The following TRAFD1 variants were observed in gnomAD, a reference collection of about 807,000 sequenced individuals.
The protein encoded by TRAFD1 is TRAF-type zinc finger domain-containing protein 1.
A neutral mutation model predicts 65.3 loss-of-function variants in TRAFD1; 38 were observed. That is an observed-to-expected ratio of 0.58 (90% CI 0.45 to 0.76). The LOEUF is 0.76. Among genes scored for constraint, TRAFD1 ranks in the 30% least tolerant of loss-of-function variants. The pLI, the probability that TRAFD1 is intolerant of heterozygous loss-of-function variation, is 0.00. For missense variants in TRAFD1, 631 were observed against 712.6 expected (o/e 0.89, Z 1.30); for synonymous variants, 223 against 257.2 (o/e 0.87, Z 1.27).
chr12:112,143,204 C>T (rs556586975), intron 6 of TRAFD1, among the ~76,000 whole-genome samples: 13 of 152,018 alleles, frequency 8.6e-5, no homozygotes, highest in African/African-American at 2.9e-4. Flanking sequence ...CTCAGTCTCC[C>T]GAGTAGCTGG....
intron 6 of TRAFD1, 78 bp downstream of exon 6, chr12:112,142,373 G>C: frequency 6.8e-7 from 1 of 1,460,308 alleles, no homozygotes; most frequent in Non-Finnish European, 9.3e-7. Context: ...TTATACAATT[G>C]AAAGATTTTA....
intron 7 of TRAFD1, among the ~76,000 whole-genome samples, chr12:112,147,672 ATTT>A (rs113564230): frequency 7.0e-6 from 1 of 142,690 alleles, no homozygotes; most frequent in African/African-American, 2.6e-5. Context: ...ATTTAAAAAA[ATTT>A]TTTTTTTTTT....
chr12:112,142,267 C>G lies in TRAFD1; in HGVS notation c.822C>G (p.Gly274=). 6.2e-7 allele frequency: 1 copy of G among 1,613,504 alleles called. No individual in the cohort carries two copies. Among genetic ancestry groups the G allele is most frequent in the Non-Finnish European group, 8.5e-7 (1 of 1,179,684 alleles). Residue 274 remains glycine (G), a synonymous_variant, in exon 6 of 12, where the codon GGC becomes GGG. Coordinates refer to ENST00000412615, the MANE Select transcript of TRAFD1 (RefSeq NM_006700.3). Reference sequence around the variant, plus strand: ...TATGTGAGGCCGACCAGTCTCATGGCGGTCCCAGGTCTCTCAGTGACATAA... The same window carrying G: ...TATGTGAGGCCGACCAGTCTCATGGGGGTCCCAGGTCTCTCAGTGACATAA... ...RAVCEADQSH[G]GPRSLSDIKG...
At chr12:112,134,987 T>G (rs766857899) in intron 3 of TRAFD1, 26 bp from the exon 4 acceptor site, 1 of 1,614,212 alleles carries the variant, frequency 6.2e-7, no homozygotes, top group South Asian at 1.1e-5. Context: ...CAAAGCCAAT[T>G]TACTGATTCT....
At chr12:112,135,208 T>G (rs545480976) in intron 4 of TRAFD1, 142 bp downstream of exon 4, 1 of 962,196 alleles carries the variant, frequency 1.0e-6, no homozygotes, top group East Asian at 2.5e-5. Flanking sequence ...TTTGAGGCCT[T>G]GACTATGTAA....
chr12:112,129,935 C>T (rs535885958), intron 1 of TRAFD1, among the ~76,000 whole-genome samples: 1 of 151,192 alleles, frequency 6.6e-6, no homozygotes, highest in South Asian at 2.1e-4. Flanking sequence ...AGCCACTGCG[C>T]CTGGCCAGGA....
intron 5 of TRAFD1, 180 bp downstream of exon 5, chr12:112,141,404 G>A (rs907050948): frequency 1.4e-6 from 1 of 701,914 alleles, no homozygotes; most frequent in African/African-American, 1.8e-5. Flanking sequence ...TATAGTTAGG[G>A]TTCATAATGG....
intron 9 of TRAFD1, among the ~76,000 whole-genome samples, chr12:112,151,095 G>A (rs537952771): frequency 4.6e-5 from 7 of 151,832 alleles, no homozygotes; most frequent in South Asian, 2.1e-4. Context: ...AAAATTAGCC[G>A]GGCGTGGTGG....
intron 7 of TRAFD1, among the ~76,000 whole-genome samples, chr12:112,147,672 A>T (rs971235063): frequency 5.5e-4 from 79 of 142,732 alleles, no homozygotes; most frequent in South Asian, 2.7e-3. Flanking sequence ...ATTTAAAAAA[A>T]TTTTTTTTTT....
At position 112,141,050 on chromosome 12, in the gene TRAFD1, T is replaced by C; in HGVS notation, c.469T>C (p.Trp157Arg). The C allele has an allele frequency of 6.2e-7, 1 of 1,614,178 alleles. No homozygotes were observed. The highest frequency in any genetic ancestry group is 8.5e-7 in the Non-Finnish European group (1 of 1,180,026). The change falls in exon 5 of 12, where the codon TGG (tryptophan) becomes CGG (arginine). Residue 157 changes from tryptophan to arginine, a missense_variant. Transcript: ENST00000412615. ...AIPPNAYDES[W>R]GQDGIWIASQ... ...ACCTCCTAATGCATATGATGAATCT[T>C]GGGGTCAGGATGGAATCTGGATTGC...
intron 7 of TRAFD1, among the ~76,000 whole-genome samples, chr12:112,146,454 G>T (rs1436723750): frequency 6.6e-6 from 1 of 152,152 alleles, no homozygotes; most frequent in African/African-American, 2.4e-5. Context: ...AGTGACTGGT[G>T]CACATATATC....
chr12:112,142,216 G>T lies in TRAFD1; in HGVS notation c.771G>T (p.Val257=), dbSNP rs749878983. 8.1e-6 allele frequency: 13 copies of T among 1,614,008 alleles called. No homozygotes were observed. The highest frequency in any genetic ancestry group is 1.0e-5 in the Non-Finnish European group (12 of 1,179,968). The part of the protein sequence containing the change: ...SLQNEGQASS[V]AEQDFWRAVC... The stretch of plus-strand genomic sequence containing the variant: ...AAAATGAAGGCCAAGCCTCCAGTGT[G>T]GCAGAGCAGGACTTCTGGAGGGCCG... The change falls in exon 6 of 12, where the codon GTG becomes GTT. Residue 257 remains valine, a synonymous_variant. Coordinates refer to ENST00000412615, the MANE Select transcript of TRAFD1 (RefSeq NM_006700.3).
intron 9 of TRAFD1, among the ~76,000 whole-genome samples, chr12:112,151,396 CT>C (rs111413952): frequency 1.1e-3 from 153 of 143,246 alleles, no homozygotes; most frequent in Middle Eastern, 3.5e-3. Context: ...GAGCAGTTGT[CT>C]TTTTTTTTTT....
At chr12:112,141,800 G>T (rs1333590741) in intron 5 of TRAFD1, among the ~76,000 whole-genome samples, 1 of 152,168 alleles carries the variant, frequency 6.6e-6, no homozygotes, top group African/African-American at 2.4e-5. Flanking sequence ...CCATTCTACT[G>T]TAATTCAGAA....
chr12:112,152,212 T>C lies in TRAFD1; in HGVS notation c.1619+72T>C, dbSNP rs904906605. The stretch of plus-strand genomic sequence containing the variant: ...AACATGGGCAAAGGCCTGGTTACCC[T>C]TGCCAGGCCTGGGGTAAGACTGAGG... On this transcript the variant is annotated intron_variant, in intron 10 of 11. Transcript: ENST00000412615. This position sits in a 1 kb window ranked among gnomAD's most constrained non-coding sequence, Gnocchi z 5.0. 5.3e-6 allele frequency: 8 copies of C among 1,520,160 alleles called. No homozygotes were observed. The African/African-American group carries it at 8.2e-5, about 16-fold the overall frequency. The allele number at this position is 1,520,160 out of a possible 1,614,324, so 94.2% of individuals were successfully genotyped here.
rs150138091 is a variant in TRAFD1, at chr12:112,152,450, A to C, written c.1643A>C (p.Asn548Thr). The change falls in exon 11 of 12, where the codon AAT becomes ACT. Residue 548 changes from asparagine (N) to threonine (T), a missense_variant. Physicochemically the swap from Asn to Thr is moderately conservative, Grantham distance 65. Coordinates refer to ENST00000412615, the MANE Select transcript of TRAFD1 (RefSeq NM_006700.3). The surrounding 1 kb of genome is among the most constrained non-coding windows in gnomAD (Gnocchi z 5.0). ...AGTGGTAGGAGTGAAGGTGGCAGGA[A>C]TTCCCGGGTCACCCCTGCAGCTGCC... ...GASGRSEGGR[N>T]SRVTPAAANY... 149 of 1,613,618 alleles carry C rather than the reference A, an allele frequency of 9.2e-5. No homozygotes were observed. The African/African-American group carries it at 1.5e-3, about 17-fold the overall frequency.
chr12:112,150,461 G>C (rs954387379), intron 9 of TRAFD1, among the ~76,000 whole-genome samples: 3 of 152,090 alleles, frequency 2.0e-5, no homozygotes, highest in Non-Finnish European at 4.4e-5. Flanking sequence ...GTTGCCCAGG[G>C]TGATTTCGAA....
At chr12:112,136,009 G>T (rs1593865565) in intron 4 of TRAFD1, among the ~76,000 whole-genome samples, 1 of 151,194 alleles carries the variant, frequency 6.6e-6, no homozygotes, top group South Asian at 2.1e-4. Context: ...GGGCGTGGAG[G>T]TGTGTGCTAC....
chr12:112,145,478 C>A, intron 6 of TRAFD1, 108 bp from the exon 7 acceptor site: 1 of 1,091,640 alleles, frequency 9.2e-7, no homozygotes, highest in South Asian at 1.5e-5. Flanking sequence ...CTATAAGAAA[C>A]ATTAAAGAAA....
Sources: gnomAD v4.1 joint callset for allele counts (sites outside exome capture counted in the v4.1 genomes callset) on GRCh38, gnomAD v4.1.1 for gene constraint, Gnocchi (gnomAD v3.1) non-coding constraint, MANE v1.5 for transcripts, NCBI Gene and HGNC (gene_info 2026-07-23, HGNC 2026-07-21) for gene names.